The following TEX15 variants were observed in gnomAD, a reference collection of about 807,000 sequenced individuals.
The protein encoded by TEX15 is testis expressed 15, meiosis and synapsis associated, also known as testis-expressed protein 15.
Under a neutral mutation model 237.3 loss-of-function variants are expected in TEX15, and 171 were observed. The observed-to-expected ratio is 0.72, with a 90% CI of 0.64 to 0.82. The LOEUF is 0.82. TEX15 is among the 40% of genes least tolerant of loss of function. TEX15 has a pLI of 0.00. For missense variants in TEX15, 3,750 were observed against 3,646.5 expected, an observed-to-expected ratio of 1.03 and a Z score of -0.73; for synonymous variants, 1,338 against 1,269.8, an observed-to-expected ratio of 1.05 and a Z score of -1.14.
In TEX15 at chr8:30,879,127, C is replaced by CTT. The variant is rs556866592; in HGVS notation, c.137-4027_137-4026dup. ...TTTTCTTGTTTTCTAACTGGATTGCCTTTTTTTTTTTACCTACTGAACTTT... is the reference window on the plus strand; with the variant it reads ...TTTTCTTGTTTTCTAACTGGATTGCCTTTTTTTTTTTTTACCTACTGAACTTT... On this transcript the variant is annotated intron_variant, in intron 3 of 10. Transcript: ENST00000643185. Among the ~76,000 whole-genome samples the CTT allele has an allele frequency of 2.1e-5, 3 of 146,014 alleles. No homozygotes were observed. The South Asian group carries it at 6.4e-4, about 31-fold the overall frequency.
chr8:30,886,999 G>C (rs910898284), intron 3 of TEX15, 168 bp downstream of exon 3: 1 of 514,442 alleles, frequency 1.9e-6, no homozygotes, highest in African/African-American at 2.0e-5. Flanking sequence ...TGCAGAACGT[G>C]CATCTATTCT....
chr8:30,906,185 T>C (rs910668174), intron 1 of TEX15, among the ~76,000 whole-genome samples: 1 of 152,206 alleles, frequency 6.6e-6, no homozygotes, highest in Non-Finnish European at 1.5e-5. Flanking sequence ...GGCATAATAT[T>C]TTAATCCTCA....
intron 3 of TEX15, among the ~76,000 whole-genome samples, chr8:30,875,999 A>C (rs1202161073): frequency 6.6e-6 from 1 of 151,956 alleles, no homozygotes; most frequent in Non-Finnish European, 1.5e-5. Flanking sequence ...TATTTTTTGT[A>C]GAGATGGGGT....
intron 5 of TEX15, among the ~76,000 whole-genome samples, chr8:30,864,399 T>C (rs1172670451): frequency 6.6e-6 from 1 of 151,422 alleles, no homozygotes; most frequent in East Asian, 1.9e-4. Flanking sequence ...GAGAGAACAT[T>C]TGAAGAAATG....
At chr8:30,852,639 A>G (rs1246912718) in intron 7 of TEX15, among the ~76,000 whole-genome samples, 2 of 152,102 alleles carry the variant, frequency 1.3e-5, no homozygotes, top group Admixed American at 6.6e-5. Context: ...AATCACCACT[A>G]AAGAACTTAC....
Position 30,847,079 on chromosome 8 carries a change from C to T in TEX15, c.3088G>A (p.Glu1030Lys), listed in dbSNP as rs1462041378. 1 of 1,613,054 alleles carries T rather than the reference C, an allele frequency of 6.2e-7. No homozygotes were observed. The highest frequency in any genetic ancestry group is 8.5e-7 in the Non-Finnish European group (1 of 1,179,598). Reference protein sequence around the residue: ...LLVKHRVSDCEIDTDKNKSQE... With the variant: ...LLVKHRVSDCKIDTDKNKSQE... ...GATTTATTTTTATCCGTATCAATTT[C>T]ACAATCAGAAACCCTATGTTTTACT... The change falls in exon 8 of 11, where the codon GAA (glutamate) becomes AAA (lysine). Residue 1030 changes from glutamate to lysine, a missense_variant. Physicochemically the swap from Glu to Lys is moderately conservative, Grantham distance 56. Coordinates refer to ENST00000643185, the MANE Select transcript of TEX15 (RefSeq NM_001350162.2).
chr8:30,906,029 AT>A (rs1327477870), intron 1 of TEX15, among the ~76,000 whole-genome samples: 1 of 150,590 alleles, frequency 6.6e-6, no homozygotes, highest in Admixed American at 6.5e-5. Context: ...TGGGAAAAAA[AT>A]AACAGTATTT....
At chr8:30,836,205 GTTTTTTTTTTT>G (rs33984716) in intron 10 of TEX15, among the ~76,000 whole-genome samples, 679 of 43,272 alleles carry the variant, frequency 0.016, 11 homozygotes, top group African/African-American at 0.06. Flanking sequence ...TCACTGTATC[GTTTTTTTTTTT>G]TTTTTTTTTT....
At chr8:30,862,750 GTA>G (rs150416077) in intron 5 of TEX15, among the ~76,000 whole-genome samples, 23 of 152,124 alleles carry the variant, frequency 1.5e-4, no homozygotes, top group African/African-American at 5.3e-4. Context: ...CTTAACCAGA[GTA>G]AATCTTTTTT....
chr8:30,880,892 T>C (rs1427707518), intron 3 of TEX15, among the ~76,000 whole-genome samples: 1 of 152,190 alleles, frequency 6.6e-6, no homozygotes, highest in Non-Finnish European at 1.5e-5. Context: ...TCCAGTGACC[T>C]TGCTGAACTT....
At chr8:30,867,566 C>T in intron 4 of TEX15, 64 bp from the exon 5 acceptor site, 5 of 912,684 alleles carry the variant, frequency 5.5e-6, no homozygotes, top group Non-Finnish European at 6.7e-6. Flanking sequence ...CAAGAAGATA[C>T]ATATTTCCAC....
rs1053617138 is a variant in TEX15, at chr8:30,842,522, A to T, written c.7645T>A (p.Ser2549Thr). The T allele has an allele frequency of 6.2e-7, 1 of 1,611,440 alleles. No homozygotes were observed. Among genetic ancestry groups the T allele is most frequent in the Admixed American group, 1.7e-5 (1 of 59,808 alleles). ...TTCTTCAGAAGCTTTTTTATTTCTG[A>T]AAGTTCTTGAAGTTCTCTTGAGAGC... is the stretch of plus-strand genomic sequence containing the variant. ...HLLSRELQEL[S>T]EIKKLLKKSK... The change falls in exon 8 of 11, where the codon TCA becomes ACA. Residue 2549 changes from serine to threonine, a missense_variant. Transcript: ENST00000643185.
At chr8:30,852,100 C>CTTTTTTTTTTTTTTT (rs910989172) in intron 7 of TEX15, among the ~76,000 whole-genome samples, 1 of 90,424 alleles carries the variant, frequency 1.1e-5, no homozygotes, top group African/African-American at 5.5e-5. Flanking sequence ...TTAATTTAAT[C>CTTTTTTTTTTTTTTT]TTTTTTTTTT....
At chr8:30,875,607 T>C (rs1004922482) in intron 3 of TEX15, among the ~76,000 whole-genome samples, 6 of 152,200 alleles carry the variant, frequency 3.9e-5, no homozygotes, top group Non-Finnish European at 7.3e-5. Flanking sequence ...TCCAGCATTG[T>C]TGTAGTAAAT....
chr8:30,908,827 C>T (rs1809160977), intron 1 of TEX15, among the ~76,000 whole-genome samples: 1 of 152,158 alleles, frequency 6.6e-6, no homozygotes, highest in Admixed American at 6.6e-5. Flanking sequence ...AAAATTAACA[C>T]AATCCACACA....
chr8:30,863,694 A>C (rs1333365339), intron 5 of TEX15, among the ~76,000 whole-genome samples: 1 of 152,142 alleles, frequency 6.6e-6, no homozygotes, highest in African/African-American at 2.4e-5. Context: ...ACTACTCAAA[A>C]GCAACTACAG....
rs755737777 is a variant in TEX15 at position 30,843,296 on chromosome 8, A to AT, written c.6870dup (p.Tyr2291IlefsTer15). ...CTTTCTTCGTCCTTCTTTTGTGAGT[A>AT]TTTTTTGCTGAAGGATTGTGTTCTC... On this transcript the variant is annotated frameshift_variant, in exon 8 of 11. Transcript: ENST00000643185. LOFTEE classifies it high-confidence loss of function. 3 of 1,611,454 alleles carry AT rather than the reference A, an allele frequency of 1.9e-6. No homozygotes were observed. The highest frequency in any genetic ancestry group is 1.7e-5 in the Admixed American group (1 of 59,644).
chr8:30,903,517 A>G (rs893359629), intron 1 of TEX15, among the ~76,000 whole-genome samples: 2 of 152,216 alleles, frequency 1.3e-5, no homozygotes, highest in African/African-American at 4.8e-5. Flanking sequence ...TCAATCCTTC[A>G]GTCCTAGTCC....
intron 9 of TEX15, among the ~76,000 whole-genome samples, chr8:30,838,894 C>T (rs1175736837): frequency 6.8e-6 from 1 of 147,756 alleles, no homozygotes; most frequent in Admixed American, 6.8e-5. Context: ...CAGCTCACTG[C>T]AACCTCCGCC....
Sources: allele counts gnomAD v4.1 joint callset (sites outside exome capture counted in the v4.1 genomes callset), GRCh38; gene constraint gnomAD v4.1.1; transcripts MANE v1.5; gene names NCBI Gene and HGNC (gene_info 2026-07-23, HGNC 2026-07-21).